Variants in ADAM33 observed in about 807,000 individuals in gnomAD.
ADAM33 encodes disintegrin and metalloproteinase domain-containing protein 33.
A neutral mutation model predicts 106.2 loss-of-function variants in ADAM33; 103 were observed. The ratio of observed to expected loss-of-function variants is 0.97; its 90% CI spans 0.83 to 1.14. ADAM33 has a LOEUF of 1.14. Ranked by LOEUF, ADAM33 falls within the 50% of genes most tolerant of loss-of-function variation. ADAM33 has a pLI of 0.00. For missense variants in ADAM33, 1,120 were observed against 1,096.6 expected (o/e 1.02, Z -0.30); for synonymous variants, 483 against 453.0 (o/e 1.07, Z -0.84).
At chr20:3,674,947 G>C in intron 4 of ADAM33, 80 bp downstream of exon 4, 1 of 1,609,472 alleles carries the variant, frequency 6.2e-7, no homozygotes. Context: ...CGCCCCTTAG[G>C]AATGCAAGGA....
Position 3,673,905 on chromosome 20 carries a change from T to G in ADAM33, c.745A>C (p.Arg249=). 6.4e-7 allele frequency: 1 copy of G among 1,567,004 alleles called. No individual in the cohort carries two copies. Among genetic ancestry groups the G allele is most frequent in the Non-Finnish European group, 8.6e-7 (1 of 1,162,578 alleles). The part of the protein sequence containing the change: ...EVANYVDQLL[R]TLDIQVALTG... The stretch of plus-strand genomic sequence containing the variant: ...AGCGCCACCTGAATGTCCAGAGTCC[T>G]GAGAAGCTGAGGGCGAGGCGGGGCT... The change falls in exon 9 of 22, where the codon AGG becomes CGG. Residue 249 remains arginine, a synonymous_variant. Transcript: ENST00000356518.
In ADAM33 at chr20:3,677,060, C is replaced by T. The variant is rs752681451; in HGVS notation, c.254+7G>A. 6.8e-6 allele frequency: 11 copies of T among 1,612,504 alleles called. No individual in the cohort carries two copies. Among genetic ancestry groups the T allele is most frequent in the African/African-American group, 5.3e-5 (4 of 74,906 alleles). On this transcript the variant is annotated splice_region_variant and intron_variant, in intron 3 of 21. Coordinates refer to ENST00000356518, the MANE Select transcript of ADAM33 (RefSeq NM_025220.5). ...TCCTCCCAGCCCTACCCCAGCCTGG[C>T]ACTCACTGGTTCTTCTCCAGCTCAA...
In ADAM33 at chr20:3,671,173, G is replaced by A; in HGVS notation, c.2093-20C>T. 6.2e-7 allele frequency: 1 copy of A among 1,613,216 alleles called. No homozygotes were observed. The highest frequency in any genetic ancestry group is 8.5e-7 in the Non-Finnish European group (1 of 1,179,650). Reference sequence around the variant, plus strand: ...CATGGTCTGCGGGGATTGGGGGAAGGGGCGCTGAGTCCTGAGCAGGTGCAC... The same window carrying A: ...CATGGTCTGCGGGGATTGGGGGAAGAGGCGCTGAGTCCTGAGCAGGTGCAC... On this transcript the variant is annotated intron_variant, in intron 18 of 21. Coordinates refer to ENST00000356518, the MANE Select transcript of ADAM33 (RefSeq NM_025220.5).
intron 1 of ADAM33, among the ~76,000 whole-genome samples, chr20:3,680,640 T>C (rs1249287972): frequency 2.0e-5 from 3 of 151,442 alleles, no homozygotes; most frequent in Non-Finnish European, 2.9e-5. Context: ...TGAGTGGATG[T>C]GGGGGAGGGG....
Position 3,673,643 on chromosome 20 carries a change from C to T in ADAM33, c.921G>A (p.Gln307=), listed in dbSNP as rs2087721463. Residue 307 remains glutamine (Q), a synonymous_variant, in exon 10 of 22, where the codon CAG becomes CAA. Coordinates refer to ENST00000356518, the MANE Select transcript of ADAM33 (RefSeq NM_025220.5). ...CGGGCGCCAGGCCCACTGTGGCGCC[C>T]TGGAAGGCGCGGCCCCTGGGGGCGG... ...SAQLLTGRAF[Q]GATVGLAPVE... 2.2e-6 allele frequency: 3 copies of T among 1,349,440 alleles called. No homozygotes were observed. The highest frequency in any genetic ancestry group is 2.8e-6 in the Non-Finnish European group (3 of 1,057,950). The allele number at this position is 1,349,440 out of a possible 1,614,324, so 83.6% of individuals were successfully genotyped here.
intron 3 of ADAM33, among the ~76,000 whole-genome samples, chr20:3,676,284 A>C (rs2087947641): frequency 6.6e-6 from 1 of 151,476 alleles, no homozygotes; most frequent in Non-Finnish European, 1.5e-5. Flanking sequence ...GCCTTCTGTG[A>C]TCTGGCCCTC....
intron 12 of ADAM33, 22 bp downstream of exon 12, chr20:3,672,699 G>A (rs561888830): frequency 1.3e-6 from 2 of 1,590,922 alleles, no homozygotes; most frequent in African/African-American, 2.7e-5. Flanking sequence ...GGGCAAGTGG[G>A]GGCCGGGCGA....
rs1311822937 is a variant in ADAM33 at position 3,673,749 on chromosome 20, G to T, written c.901C>A (p.Leu301Ile). 1 of 1,504,090 alleles carries T rather than the reference G, an allele frequency of 6.6e-7. No homozygotes were observed. Among genetic ancestry groups the T allele is most frequent in the Admixed American group, 2.2e-5 (1 of 46,298 alleles). The allele number at this position is 1,504,090 out of a possible 1,614,324, so 93.2% of individuals were successfully genotyped here. A position where few individuals can be genotyped will look rare whatever the true frequency, so the allele number is the denominator to read the frequency against. Residue 301 changes from leucine to isoleucine, a missense_variant, in exon 9 of 22, where the codon CTC (leucine) becomes ATC (isoleucine). Transcript: ENST00000356518. Reference protein sequence around the residue: ...AQRPHDSAQLLTGRAFQGATV... With the variant: ...AQRPHDSAQLITGRAFQGATV... Reference sequence around the variant, plus strand: ...GTCCGGGTCAGAGGCACCCACGTGAGCAGCTGCGCGGAGTCGTGGGGCCGC... The same window carrying T: ...GTCCGGGTCAGAGGCACCCACGTGATCAGCTGCGCGGAGTCGTGGGGCCGC...
In ADAM33 at chr20:3,675,520, C is replaced by T. The variant is rs1027965399; in HGVS notation, c.255-415G>A. 2.0e-5 allele frequency among the ~76,000 whole-genome samples: 3 copies of T among 152,070 alleles called. No individual in the cohort carries two copies. The highest frequency in any genetic ancestry group is 2.9e-5 in the Non-Finnish European group (2 of 68,002). On this transcript the variant is annotated intron_variant, in intron 3 of 21. Coordinates refer to ENST00000356518, the MANE Select transcript of ADAM33 (RefSeq NM_025220.5). This position sits in a 1 kb window ranked among gnomAD's most constrained non-coding sequence, Gnocchi z 4.1. The stretch of plus-strand genomic sequence containing the variant: ...CCCCAGTTCCCCTGCCTGCTGCCCT[C>T]CTTTGTTGGGCATCTGGTCGACCCT...
At position 3,675,036 on chromosome 20, in the gene ADAM33, G is replaced by A; in HGVS notation, c.324C>T (p.Pro108=). ...GPDGQPVVLA[P]NHTDHCHYQG... The stretch of plus-strand genomic sequence containing the variant: ...CATGGAAGCATCTCACCGTGTGGTT[G>A]GGGGCCAGCACCACTGGCTGCCCAT... Residue 108 remains proline (P), a synonymous_variant, in exon 4 of 22, where the codon CCC becomes CCT. Coordinates refer to ENST00000356518, the MANE Select transcript of ADAM33 (RefSeq NM_025220.5). This position sits in a 1 kb window ranked among gnomAD's most constrained non-coding sequence, Gnocchi z 4.1. 2 of 1,613,430 alleles carry A rather than the reference G, an allele frequency of 1.2e-6. No homozygotes were observed. Among genetic ancestry groups the A allele is most frequent in the South Asian group, 1.1e-5 (1 of 90,790 alleles).
chr20:3,668,715 T>C lies in ADAM33; in HGVS notation c.*248A>G. The C allele has an allele frequency of 1.9e-6, 1 of 540,142 alleles. No individual in the cohort carries two copies. The highest frequency in any genetic ancestry group is 3.3e-6 in the Non-Finnish European group (1 of 298,982). 33.5% of individuals were successfully genotyped at this position (540,142 alleles called of 1,614,324 possible). A position where few individuals can be genotyped will look rare whatever the true frequency, so the allele number is the denominator to read the frequency against. On this transcript the variant is annotated 3_prime_UTR_variant, in exon 22 of 22. Coordinates refer to ENST00000356518, the MANE Select transcript of ADAM33 (RefSeq NM_025220.5). ...GGTCAGGGGCTGTGTGACCTTTGCTTCTGGGACTGATGGTTTATTGAGCTG... is the reference window on the plus strand; with the variant it reads ...GGTCAGGGGCTGTGTGACCTTTGCTCCTGGGACTGATGGTTTATTGAGCTG...
chr20:3,673,266 G>C (rs1305402187), intron 11 of ADAM33, 88 bp downstream of exon 11: 1 of 1,534,100 alleles, frequency 6.5e-7, no homozygotes, highest in Non-Finnish European at 8.7e-7. Context: ...TTACAGAAGA[G>C]GAAACTGAGG....
In ADAM33 at chr20:3,673,415, C is replaced by T. The variant is rs779386347; in HGVS notation, c.1072G>A (p.Asp358Asn). Reference protein sequence around the residue: ...GHSLGLSHDPDGCCVEAAAES... With the variant: ...GHSLGLSHDPNGCCVEAAAES... Reference sequence around the variant, plus strand: ...GCCGCAGCCTCCACGCAGCAGCCGTCGGGGTCGTGGCTGAGGCCGAGGCTG... The same window carrying T: ...GCCGCAGCCTCCACGCAGCAGCCGTTGGGGTCGTGGCTGAGGCCGAGGCTG... Residue 358 changes from aspartate to asparagine, a missense_variant, in exon 11 of 22, where the codon GAC (aspartate) becomes AAC (asparagine). Physicochemically the swap from Asp to Asn is conservative, Grantham distance 23. Transcript: ENST00000356518. The T allele has an allele frequency of 9.6e-6, 15 of 1,564,274 alleles. No individual in the cohort carries two copies. In the South Asian group the frequency reaches 1.6e-4, roughly 17 times the overall value.
chr20:3,673,719 C>T, intron 9 of ADAM33, 26 bp downstream of exon 9: 1 of 1,396,502 alleles, frequency 7.2e-7, no homozygotes, highest in Non-Finnish European at 9.2e-7. Context: ...CCACCCGGGA[C>T]CCGCGTCCGG....
intron 4 of ADAM33, 43 bp downstream of exon 4, chr20:3,674,984 G>A (rs768887894): frequency 2.2e-5 from 35 of 1,612,450 alleles, no homozygotes; most frequent in Non-Finnish European, 2.7e-5. Flanking sequence ...TGGTGGGGGG[G>A]TACCTCTGGC....
chr20:3,672,491 T>G (rs766761218), intron 13 of ADAM33, 46 bp downstream of exon 13: 1 of 1,598,384 alleles, frequency 6.3e-7, no homozygotes, highest in South Asian at 1.1e-5. Context: ...ACAGGCCGGC[T>G]CCCAAGCTCC....
chr20:3,674,638 G>T lies in ADAM33; in HGVS notation c.466C>A (p.Arg156=), dbSNP rs1295598818. 10 of 1,612,508 alleles carry T rather than the reference G, an allele frequency of 6.2e-6. No individual in the cohort carries two copies. Among genetic ancestry groups the T allele is most frequent in the Non-Finnish European group, 8.5e-6 (10 of 1,179,576 alleles). Residue 156 remains arginine, a synonymous_variant, in exon 6 of 22, where the codon CGG becomes AGG. Coordinates refer to ENST00000356518, the MANE Select transcript of ADAM33 (RefSeq NM_025220.5). ...TGGGTTGAGAAGTCCTTGGAGCCCC[G>T]GGGTGGCCAGGGACGCAGATAATAG... ...ASYYLRPWPP[R]GSKDFSTHEI...
rs369469795 is a variant in ADAM33 at position 3,673,740 on chromosome 20, C to G, written c.905+5G>C. On this transcript the variant is annotated splice_donor_5th_base_variant and intron_variant, in intron 9 of 21. Transcript: ENST00000356518. Reference sequence around the variant, plus strand: ...GGGACCCGCGTCCGGGTCAGAGGCACCCACGTGAGCAGCTGCGCGGAGTCG... The same window carrying G: ...GGGACCCGCGTCCGGGTCAGAGGCAGCCACGTGAGCAGCTGCGCGGAGTCG... 1.9e-4 allele frequency: 282 copies of G among 1,484,816 alleles called. 1 individual carries two copies. The East Asian group carries it at 7.3e-3, about 38-fold the overall frequency. The allele number at this position is 1,484,816 out of a possible 1,614,324, so 92.0% of individuals were successfully genotyped here. A position where few individuals can be genotyped will look rare whatever the true frequency, so the allele number is the denominator to read the frequency against.
At position 3,673,571 on chromosome 20, in the gene ADAM33, C is replaced by T; in HGVS notation, c.990+3G>A. 1 of 1,389,694 alleles carries T rather than the reference C, an allele frequency of 7.2e-7. No homozygotes were observed. The allele number at this position is 1,389,694 out of a possible 1,614,324, so 86.1% of individuals were successfully genotyped here. On this transcript the variant is annotated splice_donor_region_variant and intron_variant, in intron 10 of 21. Coordinates refer to ENST00000356518, the MANE Select transcript of ADAM33 (RefSeq NM_025220.5). ...CTCCCTCGCCCCCGCCCGCGGGGCT[C>T]ACCGTGCTCACGCCTCCCGAGCTCT...
Sources: gnomAD v4.1 joint callset for allele counts (sites outside exome capture counted in the v4.1 genomes callset) on GRCh38, gnomAD v4.1.1 for gene constraint, Gnocchi (gnomAD v3.1) non-coding constraint, MANE v1.5 for transcripts, NCBI Gene and HGNC (gene_info 2026-07-23, HGNC 2026-07-21) for gene names.